PDGFRL: variants seen among roughly 807,000 people sequenced by gnomAD.
PDGFRL encodes the protein platelet-derived growth factor receptor-like protein.
In PDGFRL, 46 loss-of-function variants were observed where a neutral mutation model predicts 37.2. That is an observed-to-expected ratio of 1.24 (90% CI 0.98 to 1.58). The LOEUF is 1.58. PDGFRL is among the 40% of genes most tolerant of loss of function. PDGFRL has a pLI of 0.00. For synonymous variants in PDGFRL, 251 were observed against 184.3 expected (o/e 1.36, Z -2.93); for missense variants, 692 against 467.6 (o/e 1.48, Z -4.43).
intron 2 of PDGFRL, chr8:17,596,526 A>G (rs1804056439): frequency 2.8e-6 from 1 of 355,914 alleles, no homozygotes; most frequent in African/African-American, 2.1e-5. Flanking sequence ...AGAGGATTCC[A>G]TGCTTGAAGT....
chr8:17,595,456 G>T lies in PDGFRL; in HGVS notation c.353+5691G>T, dbSNP rs148715866. ...AGGTAGCCGCCCTATTTTGGATCCC[G>T]TAGGATCTCTAAAACCCAGCTCTGG... is the stretch of plus-strand genomic sequence containing the variant. On this transcript the variant is annotated intron_variant, in intron 2 of 5. Transcript: ENST00000251630. Among the ~76,000 whole-genome samples the T allele has an allele frequency of 5.8e-3, 887 of 152,274 alleles. 9 individuals are homozygous for T. The highest frequency in any genetic ancestry group is 0.019 in the African/African-American group (800 of 41,536).
chr8:17,579,901 A>G (rs1455580527), intron 1 of PDGFRL, among the ~76,000 whole-genome samples: 1 of 152,154 alleles, frequency 6.6e-6, no homozygotes, highest in Non-Finnish European at 1.5e-5. Flanking sequence ...CCAAGATTCC[A>G]CGTTGAGATG....
chr8:17,625,398 C>T (rs1476545487), intron 3 of PDGFRL, among the ~76,000 whole-genome samples: 1 of 152,072 alleles, frequency 6.6e-6, no homozygotes, highest in Non-Finnish European at 1.5e-5. Flanking sequence ...GATCCGCCTG[C>T]CTTGGCCTCC....
intron 2 of PDGFRL, among the ~76,000 whole-genome samples, chr8:17,615,541 C>T (rs62498051): frequency 0.11 from 16,298 of 152,110 alleles, 1,095 homozygotes; most frequent in African/African-American, 0.18. Flanking sequence ...TCGGTGCCCT[C>T]AAGCAGTAAA....
intron 1 of PDGFRL, among the ~76,000 whole-genome samples, chr8:17,582,116 C>G (rs1803720120): frequency 6.6e-6 from 1 of 152,106 alleles, no homozygotes; most frequent in Non-Finnish European, 1.5e-5. Context: ...AAACAGATAA[C>G]TTATTGGGAG....
intron 4 of PDGFRL, among the ~76,000 whole-genome samples, chr8:17,633,572 T>C (rs910798530): frequency 6.6e-6 from 1 of 152,198 alleles, no homozygotes; most frequent in Non-Finnish European, 1.5e-5. Flanking sequence ...TGAAGAAATT[T>C]GTTTCTGAAA....
At chr8:17,583,670 G>T (rs2517279) in intron 1 of PDGFRL, among the ~76,000 whole-genome samples, 1 of 151,930 alleles carries the variant, frequency 6.6e-6, no homozygotes, top group Non-Finnish European at 1.5e-5. Flanking sequence ...TGTTTGAGTC[G>T]TGGGGGTGGA....
At chr8:17,588,235 G>A (rs1420458621) in intron 1 of PDGFRL, among the ~76,000 whole-genome samples, 2 of 152,116 alleles carry the variant, frequency 1.3e-5, no homozygotes, top group Non-Finnish European at 2.9e-5. Context: ...TTACAGTTGA[G>A]TTTTGATAAT....
intron 1 of PDGFRL, among the ~76,000 whole-genome samples, chr8:17,577,606 G>T (rs1205590110): frequency 6.6e-6 from 1 of 151,654 alleles, no homozygotes; most frequent in Admixed American, 6.6e-5. Context: ...GCCAGCGCCT[G>T]GTCCAGCCCC....
At chr8:17,633,523 C>T (rs1392202163) in intron 4 of PDGFRL, among the ~76,000 whole-genome samples, 3 of 152,172 alleles carry the variant, frequency 2.0e-5, no homozygotes, top group African/African-American at 7.2e-5. Context: ...GACCCCATTT[C>T]TAAATAAATA....
intron 2 of PDGFRL, among the ~76,000 whole-genome samples, chr8:17,605,106 G>A (rs1364556984): frequency 6.6e-6 from 1 of 152,182 alleles, no homozygotes; most frequent in African/African-American, 2.4e-5. Flanking sequence ...AACAGAGTGA[G>A]ACTCTGTCCC....
chr8:17,578,982 A>G (rs1224619801), intron 1 of PDGFRL, among the ~76,000 whole-genome samples: 57 of 152,090 alleles, frequency 3.7e-4, no homozygotes, highest in African/African-American at 1.4e-3. Flanking sequence ...GGTGGATCAC[A>G]AGGTCAGGAG....
intron 1 of PDGFRL, among the ~76,000 whole-genome samples, chr8:17,587,449 T>A (rs1414113352): frequency 1.3e-5 from 2 of 152,118 alleles, no homozygotes; most frequent in East Asian, 3.9e-4. Context: ...AATACCAAAT[T>A]AGACCTTAAT....
At chr8:17,602,180 T>G (rs966136578) in intron 2 of PDGFRL, among the ~76,000 whole-genome samples, 11 of 152,170 alleles carry the variant, frequency 7.2e-5, no homozygotes, top group African/African-American at 2.4e-4. Context: ...GGTATCTCAT[T>G]GTGGATTTGG....
At chr8:17,593,518 A>C (rs1164148696) in intron 2 of PDGFRL, among the ~76,000 whole-genome samples, 1 of 151,740 alleles carries the variant, frequency 6.6e-6, no homozygotes, top group African/African-American at 2.4e-5. Context: ...GGATCACCTG[A>C]GCCCAGGAAG....
intron 2 of PDGFRL, among the ~76,000 whole-genome samples, chr8:17,594,075 G>A (rs1001893350): frequency 6.6e-6 from 1 of 150,986 alleles, no homozygotes; most frequent in African/African-American, 2.4e-5. Context: ...GTTTCTATGA[G>A]TTTGACAACT....
At chr8:17,618,396 G>C (rs79622970) in intron 2 of PDGFRL, among the ~76,000 whole-genome samples, 2,043 of 152,232 alleles carry the variant, frequency 0.013, 15 homozygotes, top group Non-Finnish European at 0.022. Context: ...ACTATCCCCA[G>C]TGCTGCATGT....
intron 3 of PDGFRL, among the ~76,000 whole-genome samples, chr8:17,627,635 A>G (rs75917704): frequency 1.4e-5 from 2 of 143,104 alleles, no homozygotes; most frequent in East Asian, 4.0e-4. Flanking sequence ...ACACTCAGCT[A>G]ATTTTTTTTT....
At chr8:17,628,188 G>T (rs1232882284) in intron 3 of PDGFRL, among the ~76,000 whole-genome samples, 1 of 151,228 alleles carries the variant, frequency 6.6e-6, no homozygotes, top group Admixed American at 6.6e-5. Context: ...TACAGATGGG[G>T]TTTCACCGTG....
Sources: allele counts gnomAD v4.1 joint callset (sites outside exome capture counted in the v4.1 genomes callset), GRCh38; gene constraint gnomAD v4.1.1; transcripts MANE v1.5; gene names NCBI Gene and HGNC (gene_info 2026-07-23, HGNC 2026-07-21).